RSRC1: variants seen among roughly 807,000 people sequenced by gnomAD.
RSRC1 encodes the protein serine/Arginine-related protein 53.
RSRC1 carries 39 observed loss-of-function variants against 49.1 expected under a neutral mutation model. That is an observed-to-expected ratio of 0.79 (90% CI 0.61 to 1.04). The LOEUF (loss-of-function observed/expected upper bound fraction) is 1.04. RSRC1 is among the 50% of genes least tolerant of loss of function. The pLI is 0.00. For synonymous variants in RSRC1, 143 were observed against 130.8 expected (o/e 1.09, Z -0.63); for missense variants, 388 against 402.4 (o/e 0.96, Z 0.31).
chr3:158,276,015 A>G, intron 4 of RSRC1: 1 of 823,658 alleles, frequency 1.2e-6, no homozygotes, highest in East Asian at 2.6e-5. Context: ...TATGGAATGG[A>G]TTAATGAGGA....
chr3:158,426,206 A>G (rs1735430660), intron 6 of RSRC1, among the ~76,000 whole-genome samples: 2 of 151,900 alleles, frequency 1.3e-5, no homozygotes, highest in South Asian at 4.1e-4. Flanking sequence ...ATTTAAAAAT[A>G]CCCATTTAAA....
intron 6 of RSRC1, among the ~76,000 whole-genome samples, chr3:158,385,504 T>A (rs1041871130): frequency 1.3e-5 from 2 of 152,144 alleles, no homozygotes; most frequent in Admixed American, 1.3e-4. Flanking sequence ...TTGTTTTTAG[T>A]TTTTCCCTAC....
chr3:158,450,437 C>T (rs1437999271), intron 6 of RSRC1, among the ~76,000 whole-genome samples: 5 of 151,072 alleles, frequency 3.3e-5, no homozygotes, highest in African/African-American at 1.2e-4. Context: ...ACTATGGACG[C>T]ATATGGTGTT....
intron 7 of RSRC1, among the ~76,000 whole-genome samples, chr3:158,518,126 G>GACA (rs1553820460): frequency 2.9e-5 from 2 of 68,840 alleles, no homozygotes; most frequent in Admixed American, 2.0e-4. Flanking sequence ...GTGTGTGTGT[G>GACA]TATATATATA....
intron 4 of RSRC1, among the ~76,000 whole-genome samples, chr3:158,230,236 GC>G (rs745364384): frequency 4.0e-5 from 6 of 151,264 alleles, no homozygotes; most frequent in Non-Finnish European, 5.9e-5. Flanking sequence ...TTTCTTTTTT[GC>G]CAGGAATACC....
In RSRC1 at chr3:158,407,726, G is replaced by A. The variant is rs534256256; in HGVS notation, c.583+52818G>A. Among the ~76,000 whole-genome samples the A allele has an allele frequency of 7.9e-5, 12 of 152,146 alleles. No homozygotes were observed. In the South Asian group the frequency reaches 1.9e-3, roughly 24 times the overall value. On this transcript the variant is annotated intron_variant, in intron 6 of 9. Coordinates refer to ENST00000611884, the MANE Select transcript of RSRC1 (RefSeq NM_001271838.2). ...ATAATAGTTCTTTTTAAAAAAAATAGCAAACATAAAAACACCTCATCAAGA... is the reference window on the plus strand; with the variant it reads ...ATAATAGTTCTTTTTAAAAAAAATAACAAACATAAAAACACCTCATCAAGA...
At chr3:158,117,487 C>G (rs946285057) in intron 1 of RSRC1, among the ~76,000 whole-genome samples, 2 of 141,808 alleles carry the variant, frequency 1.4e-5, no homozygotes, top group African/African-American at 5.5e-5. Context: ...ACAGGGGTTT[C>G]ACCATGTTGC....
At chr3:158,481,836 A>G (rs927695232) in intron 7 of RSRC1, among the ~76,000 whole-genome samples, 7 of 151,962 alleles carry the variant, frequency 4.6e-5, no homozygotes, top group Admixed American at 4.6e-4. Flanking sequence ...GCTTTTTGTC[A>G]TTTAAATGAT....
At chr3:158,270,967 G>A (rs1725486852) in intron 4 of RSRC1, among the ~76,000 whole-genome samples, 2 of 152,012 alleles carry the variant, frequency 1.3e-5, no homozygotes, top group Admixed American at 1.3e-4. Context: ...AAAGAATTGG[G>A]TGAACTTAGG....
chr3:158,236,248 A>G (rs1033539768), intron 4 of RSRC1, among the ~76,000 whole-genome samples: 1 of 151,948 alleles, frequency 6.6e-6, no homozygotes, highest in Non-Finnish European at 1.5e-5. Context: ...GAGTTTGTCT[A>G]CCCTTCTCAT....
chr3:158,204,412 G>A (rs1721239154), intron 4 of RSRC1, among the ~76,000 whole-genome samples: 1 of 152,122 alleles, frequency 6.6e-6, no homozygotes, highest in Non-Finnish European at 1.5e-5. Context: ...ACAGTAATCA[G>A]TTATGTTCCT....
chr3:158,215,132 C>G (rs1721882772), intron 4 of RSRC1, among the ~76,000 whole-genome samples: 1 of 151,548 alleles, frequency 6.6e-6, no homozygotes, highest in Admixed American at 6.6e-5. Flanking sequence ...CATCTTTGTT[C>G]TTCATAGTTT....
intron 4 of RSRC1, among the ~76,000 whole-genome samples, chr3:158,235,497 G>T (rs1198176253): frequency 6.6e-6 from 1 of 152,140 alleles, no homozygotes; most frequent in African/African-American, 2.4e-5. Flanking sequence ...GCTAATGCAA[G>T]ATGCATCTTT....
intron 3 of RSRC1, among the ~76,000 whole-genome samples, chr3:158,194,349 G>C (rs1720419545): frequency 6.6e-6 from 1 of 151,460 alleles, no homozygotes. Flanking sequence ...GAAAGGAAAG[G>C]AGGAAGGAAG....
rs115728397 is a variant in RSRC1, at chr3:158,394,769, G to C, written c.583+39861G>C. Among the ~76,000 whole-genome samples, 775 of 151,998 alleles carry C rather than the reference G, an allele frequency of 5.1e-3. 4 individuals are homozygous for C. Among genetic ancestry groups the C allele is most frequent in the African/African-American group, 0.018 (734 of 41,514 alleles). ...ATTCAAATGGCCATACTGCACAAAAGGATTTACAGATTCAGTGCCATTTCT... is the reference window on the plus strand; with the variant it reads ...ATTCAAATGGCCATACTGCACAAAACGATTTACAGATTCAGTGCCATTTCT... On this transcript the variant is annotated intron_variant, in intron 6 of 9. Transcript: ENST00000611884.
chr3:158,502,903 C>T (rs1328435996), intron 7 of RSRC1, among the ~76,000 whole-genome samples: 1 of 152,054 alleles, frequency 6.6e-6, no homozygotes, highest in Non-Finnish European at 1.5e-5. Flanking sequence ...GGATCCATTG[C>T]TGGTAAAGTA....
At chr3:158,252,748 A>C (rs1724294083) in intron 4 of RSRC1, among the ~76,000 whole-genome samples, 1 of 151,966 alleles carries the variant, frequency 6.6e-6, no homozygotes, top group Admixed American at 6.6e-5. Context: ...TTTTATTATG[A>C]TTTTGATCTC....
intron 8 of RSRC1, 107 bp downstream of exon 8, chr3:158,537,305 G>T: frequency 3.3e-6 from 2 of 602,356 alleles, no homozygotes; most frequent in Non-Finnish European, 5.6e-6. Flanking sequence ...ATGAAGTGAA[G>T]CAAGAGAGTG....
At chr3:158,172,713 GA>G (rs1481241189) in intron 3 of RSRC1, among the ~76,000 whole-genome samples, 1 of 152,076 alleles carries the variant, frequency 6.6e-6, no homozygotes, top group Non-Finnish European at 1.5e-5. Context: ...CATCTTTTAG[GA>G]TGTTTACTTA....
Sources: allele counts gnomAD v4.1 joint callset (sites outside exome capture counted in the v4.1 genomes callset), GRCh38; gene constraint gnomAD v4.1.1; transcripts MANE v1.5; gene names NCBI Gene and HGNC (gene_info 2026-07-23, HGNC 2026-07-21).